A4GNT: variants seen among roughly 807,000 people sequenced by gnomAD.
The protein encoded by A4GNT is alpha-1,4-N-acetylglucosaminyltransferase.
Under a neutral mutation model 8.3 loss-of-function variants are expected in A4GNT, and 6 were observed. The observed-to-expected ratio is 0.72, with a 90% CI of 0.39 to 1.42. A4GNT has a LOEUF of 1.42. A4GNT is among the 40% of genes most tolerant of loss of function. The probability of loss-of-function intolerance (pLI) is 0.02; values close to 1 mark genes in which losing one functional copy is unlikely to be tolerated. For missense variants in A4GNT, 377 were observed against 417.0 expected (o/e 0.90, Z 0.84); for synonymous variants, 157 against 159.8 (o/e 0.98, Z 0.13).
At chr3:138,127,261 T>A (rs1237639406) in intron 2 of A4GNT, among the ~76,000 whole-genome samples, 1 of 152,000 alleles carries the variant, frequency 6.6e-6, no homozygotes, top group Non-Finnish European at 1.5e-5. Flanking sequence ...ACTATGATCA[T>A]TCCTATTTTT....
rs1035488344 is a variant in A4GNT, at chr3:138,124,440, C to T, written c.847G>A (p.Val283Ile). 6.2e-7 allele frequency: 1 copy of T among 1,614,094 alleles called. No individual in the cohort carries two copies. The highest frequency in any genetic ancestry group is 8.5e-7 in the Non-Finnish European group (1 of 1,180,054). ...EVWDTEPSFN[V>I]SYALHLWNHM... ...TTCCACAAATGCAGGGCATAAGAGA[C>T]ATTGAAGCTTGGCTCTGTATCCCAC... The change falls in exon 3 of 3, where the codon GTC becomes ATC. Residue 283 changes from valine to isoleucine, a missense_variant. Val to Ile is a conservative substitution (Grantham distance 29, BLOSUM62 3). Transcript: ENST00000236709.
In A4GNT at chr3:138,124,625, C is replaced by T. The variant is rs2042734031; in HGVS notation, c.662G>A (p.Gly221Asp). The change falls in exon 3 of 3, where the codon GGC becomes GAC. Residue 221 changes from glycine (G) to aspartate (D), a missense_variant. Transcript: ENST00000236709. ...TGTCATCAACTCAGGGCCTTGGTTG[C>T]CCCAAATGGCTGAATTATAGTGTTC... is the stretch of plus-strand genomic sequence containing the variant. The part of the protein sequence containing the change: ...FVEHYNSAIW[G>D]NQGPELMTRM... The T allele has an allele frequency of 6.2e-7, 1 of 1,614,212 alleles. No homozygotes were observed. Among genetic ancestry groups the T allele is most frequent in the South Asian group, 1.1e-5 (1 of 91,078 alleles).
Position 138,124,831 on chromosome 3 carries a change from T to G in A4GNT, c.456A>C (p.Ala152=), listed in dbSNP as rs2042736151. ...ATTTCCAGATGATGGCCAGGCGGGA[T>G]GCATCCGAGCTGATGTGGAGCCAGT... ...ERNWLHISSD[A]SRLAIIWKYG... Residue 152 remains alanine (A), a synonymous_variant, in exon 3 of 3, where the codon GCA becomes GCC. Coordinates refer to ENST00000236709, the MANE Select transcript of A4GNT (RefSeq NM_016161.3). 1.2e-6 allele frequency: 2 copies of G among 1,613,706 alleles called. No individual in the cohort carries two copies. The highest frequency in any genetic ancestry group is 2.7e-5 in the African/African-American group (2 of 75,016).
At chr3:138,126,827 A>G (rs1662004099) in intron 2 of A4GNT, among the ~76,000 whole-genome samples, 2 of 149,932 alleles carry the variant, frequency 1.3e-5, no homozygotes, top group African/African-American at 4.9e-5. Context: ...ACTCCATCTC[A>G]AAAAAAATAA....
rs764577493 is a variant in A4GNT, at chr3:138,124,351, A to T, written c.936T>A (p.Tyr312Ter). 1.9e-6 allele frequency: 3 copies of T among 1,614,212 alleles called. No individual in the cohort carries two copies. The Middle Eastern group carries it at 4.9e-4, about 266-fold the overall frequency. Residue 312 changes from tyrosine (Y) to a stop codon, truncating the protein, a stop_gained, in exon 3 of 3, where the codon TAT becomes TAA. Transcript: ENST00000236709. LOFTEE classifies it low-confidence loss of function (END_TRUNC). ...TGTAAGTCCTGGGACAGTGCTTGCG[A>T]TAGAGATTTTCCACCAGTGTGTTGC... ...RGSNTLVENL[Y>*]RKHCPRTYRD...
At chr3:138,127,386 C>T (rs1197220401) in intron 2 of A4GNT, among the ~76,000 whole-genome samples, 2 of 151,618 alleles carry the variant, frequency 1.3e-5, no homozygotes, top group Non-Finnish European at 2.9e-5. Flanking sequence ...CCATCCTGGC[C>T]AACATGGTGA....
chr3:138,130,106 G>A (rs1453319403), intron 2 of A4GNT, among the ~76,000 whole-genome samples: 1 of 150,740 alleles, frequency 6.6e-6, no homozygotes, highest in Non-Finnish European at 1.5e-5. Context: ...TTCAATAGAT[G>A]TGTGTGGGTT....
At position 138,131,137 on chromosome 3, in the gene A4GNT, C is replaced by T; in HGVS notation, c.120G>A (p.Gln40=). 1 of 1,613,594 alleles carries T rather than the reference C, an allele frequency of 6.2e-7. No individual in the cohort carries two copies. The highest frequency in any genetic ancestry group is 8.5e-7 in the Non-Finnish European group (1 of 1,179,702). The change falls in exon 2 of 3, where the codon CAG becomes CAA. Residue 40 remains glutamine (Q), a synonymous_variant. Coordinates refer to ENST00000236709, the MANE Select transcript of A4GNT (RefSeq NM_016161.3). The part of the protein sequence containing the change: ...LFCLPSFKSH[Q]GLEALLSHRR... ...TGTGGCTCAGGAGGGCTTCCAGCCC[C>T]TGGTGGGACTTGAAAGAAGGCAAAC...
chr3:138,127,335 G>C (rs2042751741), intron 2 of A4GNT, among the ~76,000 whole-genome samples: 1 of 151,754 alleles, frequency 6.6e-6, no homozygotes, highest in African/African-American at 2.4e-5. Context: ...CAGCACTTTG[G>C]GAGACCGAGG....
chr3:138,124,321 G>GT lies in A4GNT; in HGVS notation c.965dup (p.Asp322GlufsTer4). On this transcript the variant is annotated frameshift_variant, in exon 3 of 3. Coordinates refer to ENST00000236709, the MANE Select transcript of A4GNT (RefSeq NM_016161.3). LOFTEE classifies it low-confidence loss of function (END_TRUNC). The stretch of plus-strand genomic sequence containing the variant: ...CTGACCCCTCTGGGCCTTTAATCAG[G>GT]TCCCTGTAAGTCCTGGGACAGTGCT... 1 of 1,614,154 alleles carries GT rather than the reference G, an allele frequency of 6.2e-7. No individual in the cohort carries two copies. The highest frequency in any genetic ancestry group is 8.5e-7 in the Non-Finnish European group (1 of 1,180,034).
chr3:138,126,915 A>C (rs1481327167), intron 2 of A4GNT, among the ~76,000 whole-genome samples: 1 of 151,716 alleles, frequency 6.6e-6, no homozygotes. Flanking sequence ...GCAGATCACG[A>C]GGTCAGGAGT....
chr3:138,132,041 C>T (rs1262357257), intron 1 of A4GNT, among the ~76,000 whole-genome samples, 171 bp downstream of exon 1: 1 of 151,994 alleles, frequency 6.6e-6, no homozygotes, highest in African/African-American at 2.4e-5. Context: ...TCTCTAGGTT[C>T]AGAAAACATA....
intron 2 of A4GNT, among the ~76,000 whole-genome samples, chr3:138,130,249 C>A (rs573044055): frequency 6.6e-6 from 1 of 152,078 alleles, no homozygotes; most frequent in Non-Finnish European, 1.5e-5. Flanking sequence ...ATAATGGAAT[C>A]ATTGAGTTGT....
At chr3:138,128,759 G>C (rs1048131454) in intron 2 of A4GNT, among the ~76,000 whole-genome samples, 1 of 151,996 alleles carries the variant, frequency 6.6e-6, no homozygotes, top group Non-Finnish European at 1.5e-5. Context: ...ACCAAGCTGG[G>C]GTGTCCCCTC....
chr3:138,131,323 A>G, intron 1 of A4GNT, 41 bp from the exon 2 acceptor site: 2 of 1,411,538 alleles, frequency 1.4e-6, no homozygotes, highest in Admixed American at 5.2e-5. Flanking sequence ...CAGCTGCAAA[A>G]CCTGACAAAG....
rs753037101 is a variant in A4GNT at position 138,124,227 on chromosome 3, A to G, written c.*37T>C. On this transcript the variant is annotated 3_prime_UTR_variant, in exon 3 of 3. Coordinates refer to ENST00000236709, the MANE Select transcript of A4GNT (RefSeq NM_016161.3). Reference sequence around the variant, plus strand: ...AAATGTGGCACTCCAGGAAATGTCCATTTCCACACTGCAGCAGCAGCAAAC... The same window carrying G: ...AAATGTGGCACTCCAGGAAATGTCCGTTTCCACACTGCAGCAGCAGCAAAC... 14 of 1,582,714 alleles carry G rather than the reference A, an allele frequency of 8.8e-6. No individual in the cohort carries two copies. The South Asian group carries it at 1.4e-4, about 16-fold the overall frequency.
At chr3:138,128,340 G>A (rs1213360238) in intron 2 of A4GNT, among the ~76,000 whole-genome samples, 1 of 152,150 alleles carries the variant, frequency 6.6e-6, no homozygotes, top group East Asian at 1.9e-4. Context: ...CGGTTCTGCA[G>A]GCTTTACAGC....
rs765076934 is a variant in A4GNT, at chr3:138,130,918, G to A, written c.339C>T (p.Asn113=). 3.4e-5 allele frequency: 55 copies of A among 1,614,008 alleles called. No homozygotes were observed. Among genetic ancestry groups the A allele is most frequent in the Non-Finnish European group, 4.1e-5 (48 of 1,180,028 alleles). The stretch of plus-strand genomic sequence containing the variant: ...TCATATCCAAAGGGAAGAGGAAAAC[G>A]TTGTCTATTGCTGACAGGAAGGAAA... ...PAFSFLSAID[N]VFLFPLDMKR... is the part of the protein sequence containing the mutation. The change falls in exon 2 of 3, where the codon AAC becomes AAT. Residue 113 remains asparagine, a synonymous_variant. Coordinates refer to ENST00000236709, the MANE Select transcript of A4GNT (RefSeq NM_016161.3).
At chr3:138,132,658 T>G (rs2042784883), upstream of A4GNT, among the ~76,000 whole-genome samples, 1 of 152,228 alleles carries the variant, frequency 6.6e-6, no homozygotes, top group Admixed American at 6.5e-5. Flanking sequence ...AACTGTATCC[T>G]GGCATAACCT....
Sources: gnomAD v4.1 joint callset for allele counts (sites outside exome capture counted in the v4.1 genomes callset) on GRCh38, gnomAD v4.1.1 for gene constraint, MANE v1.5 for transcripts, NCBI Gene and HGNC (gene_info 2026-07-23, HGNC 2026-07-21) for gene names.